The following DNAAF11 variants were observed in gnomAD, a reference collection of about 807,000 sequenced individuals.
DNAAF11 encodes the protein dynein axonemal assembly factor 11, also known as leucine rich repeat containing 6.
DNAAF11 carries 45 observed loss-of-function variants against 60.8 expected under a neutral mutation model. The observed-to-expected ratio is 0.74, with a 90% CI of 0.58 to 0.95. The LOEUF (loss-of-function observed/expected upper bound fraction) is 0.95. Among genes scored for constraint, DNAAF11 ranks in the 40% least tolerant of loss-of-function variants. DNAAF11 has a pLI of 0.00. For missense variants in DNAAF11, 546 were observed against 546.2 expected (o/e 1.00, Z 0.00); for synonymous variants, 191 against 183.5 (o/e 1.04, Z -0.33).
intron 3 of DNAAF11, among the ~76,000 whole-genome samples, chr8:132,639,257 G>C (rs1328314725): frequency 6.6e-6 from 1 of 152,110 alleles, no homozygotes; most frequent in African/African-American, 2.4e-5. Context: ...CAGCCTTTGG[G>C]GGCTTGGTTC....
rs1268622568 is a variant in DNAAF11 at position 132,593,738 on chromosome 8, A to G, written c.1141-9959T>C. On this transcript the variant is annotated intron_variant, in intron 10 of 11. Transcript: ENST00000620350. ...GATCAATGGAAAAAAACACAGGCCT[A>G]AAAACAGACCCTTCTTTATGAGGCC... 2.0e-5 allele frequency among the ~76,000 whole-genome samples: 3 copies of G among 152,250 alleles called. No homozygotes were observed. In the East Asian group the frequency reaches 5.8e-4, roughly 29 times the overall value.
intron 1 of DNAAF11, among the ~76,000 whole-genome samples, chr8:132,668,502 G>A (rs1249714006): frequency 6.6e-6 from 1 of 151,870 alleles, no homozygotes; most frequent in Non-Finnish European, 1.5e-5. Context: ...CCAGTGGCGC[G>A]ATCTTGGCTC....
At chr8:132,613,296 T>C (rs988643233) in intron 8 of DNAAF11, among the ~76,000 whole-genome samples, 1 of 152,120 alleles carries the variant, frequency 6.6e-6, no homozygotes, top group African/African-American at 2.4e-5. Context: ...TACCATCTGG[T>C]GAACGGATAA....
At position 132,656,873 on chromosome 8, in the gene DNAAF11, CA is replaced by C; in HGVS notation, c.212del (p.Leu71Ter). 1 of 1,384,898 alleles carries C rather than the reference CA, an allele frequency of 7.2e-7. No homozygotes were observed. Among genetic ancestry groups the C allele is most frequent in the Non-Finnish European group, 1.0e-6 (1 of 989,506 alleles). 85.8% of individuals were successfully genotyped at this position (1,384,898 alleles called of 1,614,324 possible). On this transcript the variant is annotated frameshift_variant, in exon 3 of 12. Transcript: ENST00000620350. LOFTEE classifies it high-confidence loss of function. ...TTTCAATGTTGTTTAAAGCTAAATT[CA>C]AATATTCAAGTTTCTTGAGTTTGCT... ...NVSKLKKLEY[L>X]NLALNNIEKI... is the part of the protein sequence containing the mutation.
rs545594114 is a variant in DNAAF11 at position 132,649,757 on chromosome 8, G to A, written c.256+7073C>T. Among the ~76,000 whole-genome samples the A allele has an allele frequency of 4.7e-3, 714 of 152,102 alleles. 9 individuals carry two copies. The highest frequency in any genetic ancestry group is 0.016 in the African/African-American group (657 of 41,512). ...GAAGACATTTATGCAGCCAACAGACGCATGAAAAAATGCTCATCATCACTG... is the reference window on the plus strand; with the variant it reads ...GAAGACATTTATGCAGCCAACAGACACATGAAAAAATGCTCATCATCACTG... On this transcript the variant is annotated intron_variant, in intron 3 of 11. Transcript: ENST00000620350.
At chr8:132,601,442 T>C (rs548959340) in intron 10 of DNAAF11, among the ~76,000 whole-genome samples, 1 of 152,340 alleles carries the variant, frequency 6.6e-6, no homozygotes, top group South Asian at 2.1e-4. Context: ...CAAAGGATTA[T>C]AAATCATGCT....
intron 5 of DNAAF11, 67 bp from the exon 6 acceptor site, chr8:132,625,521 C>A: frequency 8.7e-7 from 1 of 1,145,228 alleles, no homozygotes; most frequent in Admixed American, 2.5e-5. Flanking sequence ...TAATGCTGGC[C>A]CTTTAATATC....
the DNAAF11 span, among the ~76,000 whole-genome samples, chr8:132,683,107 TA>T: frequency 6.6e-6 from 1 of 152,212 alleles, no homozygotes; most frequent in Non-Finnish European, 1.5e-5. Context: ...GATTCCATGG[TA>T]TTTGAGCTTT....
At chr8:132,648,421 C>T (rs983577623) in intron 3 of DNAAF11, among the ~76,000 whole-genome samples, 2 of 152,140 alleles carry the variant, frequency 1.3e-5, no homozygotes, top group African/African-American at 4.8e-5. Flanking sequence ...TGGGCAAAAA[C>T]TGGAAGCATT....
chr8:132,596,197 C>T (rs1402267092), intron 10 of DNAAF11, among the ~76,000 whole-genome samples: 1 of 152,090 alleles, frequency 6.6e-6, no homozygotes, highest in Admixed American at 6.6e-5. Flanking sequence ...CAGGTGCATA[C>T]AAAATGTCAT....
At chr8:132,594,032 T>C (rs887154471) in intron 10 of DNAAF11, among the ~76,000 whole-genome samples, 2 of 151,992 alleles carry the variant, frequency 1.3e-5, no homozygotes, top group Admixed American at 6.6e-5. Context: ...AAATAACATA[T>C]GAGAATTCAC....
At chr8:132,613,039 G>T (rs1818817756) in intron 8 of DNAAF11, among the ~76,000 whole-genome samples, 1 of 152,242 alleles carries the variant, frequency 6.6e-6, no homozygotes. Flanking sequence ...ATGAAACAGT[G>T]ATTTGTCTGA....
intron 6 of DNAAF11, among the ~76,000 whole-genome samples, chr8:132,624,770 A>T (rs948991407): frequency 6.6e-6 from 1 of 152,212 alleles, no homozygotes; most frequent in South Asian, 2.1e-4. Context: ...TAGCATAAAA[A>T]TCCTAGCTTC....
At chr8:132,666,945 G>C (rs76505047) in intron 1 of DNAAF11, among the ~76,000 whole-genome samples, 1,699 of 152,240 alleles carry the variant, frequency 0.011, 8 homozygotes, top group Non-Finnish European at 0.019. Flanking sequence ...CAAGAGAATG[G>C]GGCAGATAAA....
chr8:132,660,947 A>G (rs1178004210), intron 2 of DNAAF11, among the ~76,000 whole-genome samples: 1 of 152,160 alleles, frequency 6.6e-6, no homozygotes, highest in Non-Finnish European at 1.5e-5. Context: ...TTTTATCTTC[A>G]TTGACCTGAT....
At chr8:132,629,816 T>A (rs1224763854) in intron 5 of DNAAF11, among the ~76,000 whole-genome samples, 1 of 152,226 alleles carries the variant, frequency 6.6e-6, no homozygotes, top group Non-Finnish European at 1.5e-5. Flanking sequence ...TTATAAAGGT[T>A]AGCAAGATTA....
intron 10 of DNAAF11, among the ~76,000 whole-genome samples, chr8:132,590,309 C>T (rs903440560): frequency 2.0e-5 from 3 of 152,166 alleles, no homozygotes; most frequent in Non-Finnish European, 4.4e-5. Flanking sequence ...GGCTCCAGGC[C>T]CTGCCCAAGA....
rs536226289 is a variant in DNAAF11 at position 132,632,884 on chromosome 8, C to G, written c.509G>C (p.Arg170Thr). ...AAGACAGTGATCTTTTTCCTGCTCT[C>G]TGATTTGTGGTTCAATTACTGAATA... is the stretch of plus-strand genomic sequence containing the variant. ...QDYSVIEPQI[R>T]EQEKDHCLKR... Residue 170 changes from arginine to threonine, a missense_variant, in exon 5 of 12, where the codon AGA becomes ACA. Coordinates refer to ENST00000620350, the MANE Select transcript of DNAAF11 (RefSeq NM_012472.6). 2.7e-5 allele frequency: 43 copies of G among 1,613,904 alleles called. No individual in the cohort carries two copies. The South Asian group carries it at 4.7e-4, about 18-fold the overall frequency.
rs1289229706 is a variant in DNAAF11 at position 132,571,079 on chromosome 8, C to G, written c.*1227G>C. Among the ~76,000 whole-genome samples, 1 of 152,130 alleles carries G rather than the reference C, an allele frequency of 6.6e-6. No individual in the cohort carries two copies. Among genetic ancestry groups the G allele is most frequent in the Admixed American group, 6.5e-5 (1 of 15,272 alleles). On this transcript the variant is annotated 3_prime_UTR_variant, in exon 12 of 12. Coordinates refer to ENST00000620350, the MANE Select transcript of DNAAF11 (RefSeq NM_012472.6). Reference sequence around the variant, plus strand: ...TCATTCTCATCATATTTTTTTCTAACTGATGCATTTTGGTTATCTGCTAAA... The same window carrying G: ...TCATTCTCATCATATTTTTTTCTAAGTGATGCATTTTGGTTATCTGCTAAA...
Sources: gnomAD v4.1 joint callset for allele counts (sites outside exome capture counted in the v4.1 genomes callset) on GRCh38, gnomAD v4.1.1 for gene constraint, MANE v1.5 for transcripts, NCBI Gene and HGNC (gene_info 2026-07-23, HGNC 2026-07-21) for gene names.